Variants in CTNNA3 observed in about 807,000 individuals in gnomAD.
CTNNA3 encodes the protein catenin alpha-3.
A neutral mutation model predicts 95.7 loss-of-function variants in CTNNA3; 76 were observed. The observed-to-expected ratio is 0.79, with a 90% confidence interval of 0.66 to 0.96. The LOEUF (loss-of-function observed/expected upper bound fraction) is 0.96. Among genes scored for constraint, CTNNA3 ranks in the 40% least tolerant of loss-of-function variants. The probability of loss-of-function intolerance (pLI) is 0.00; values close to 1 mark genes in which losing one functional copy is unlikely to be tolerated. For synonymous variants in CTNNA3, 431 were observed against 374.4 expected, an observed-to-expected ratio of 1.15 and a Z score of -1.74; for missense variants, 1,191 against 1,089.8, an observed-to-expected ratio of 1.09 and a Z score of -1.31.
intron 10 of CTNNA3, among the ~76,000 whole-genome samples, chr10:66,530,565 A>T (rs184592997): frequency 1.3e-5 from 2 of 152,278 alleles, no homozygotes; most frequent in East Asian, 3.9e-4. Context: ...ACGGCATGTA[A>T]TACTTCCCAC....
intron 12 of CTNNA3, among the ~76,000 whole-genome samples, chr10:66,344,844 A>C (rs2092490582): frequency 6.6e-6 from 1 of 152,104 alleles, no homozygotes; most frequent in Admixed American, 6.5e-5. Context: ...TCCTGGTTCT[A>C]GAATCCCCAG....
At chr10:66,531,527 C>T (rs763214287) in intron 10 of CTNNA3, among the ~76,000 whole-genome samples, 10 of 151,750 alleles carry the variant, frequency 6.6e-5, no homozygotes, top group Non-Finnish European at 1.2e-4. Context: ...GCCACCATGC[C>T]CAACTAATTT....
At chr10:65,930,320 C>G (rs1439766466) in intron 17 of CTNNA3, among the ~76,000 whole-genome samples, 3 of 151,748 alleles carry the variant, frequency 2.0e-5, no homozygotes, top group African/African-American at 7.3e-5. Context: ...TGTAAAGCAA[C>G]CCTCACTTCA....
At chr10:66,907,906 T>C (rs1846060575) in intron 7 of CTNNA3, among the ~76,000 whole-genome samples, 1 of 152,160 alleles carries the variant, frequency 6.6e-6, no homozygotes, top group Admixed American at 6.5e-5. Flanking sequence ...ACCAAAAAAA[T>C]TAAAGCCAAT....
chr10:66,430,106 T>A (rs61867180), intron 11 of CTNNA3, among the ~76,000 whole-genome samples: 3,899 of 86,098 alleles, frequency 0.045, 137 homozygotes, highest in South Asian at 0.083. Context: ...CTATACACCA[T>A]TAACAGACAA....
chr10:66,281,216 C>T (rs2091485865), intron 12 of CTNNA3, among the ~76,000 whole-genome samples: 1 of 151,742 alleles, frequency 6.6e-6, no homozygotes, highest in South Asian at 2.1e-4. Context: ...TTTAAAATAA[C>T]AAAACACTGA....
intron 9 of CTNNA3, among the ~76,000 whole-genome samples, chr10:66,758,643 C>T (rs914800403): frequency 6.6e-6 from 1 of 152,018 alleles, no homozygotes; most frequent in Non-Finnish European, 1.5e-5. Flanking sequence ...AATTGTATAT[C>T]AAAACTTTGG....
At chr10:66,460,986 A>G (rs1170497000) in intron 11 of CTNNA3, among the ~76,000 whole-genome samples, 1 of 152,164 alleles carries the variant, frequency 6.6e-6, no homozygotes. Flanking sequence ...GGAAAAAAGA[A>G]AAAACACAAA....
At chr10:66,761,407 T>C (rs975404826) in intron 9 of CTNNA3, among the ~76,000 whole-genome samples, 1 of 152,180 alleles carries the variant, frequency 6.6e-6, no homozygotes, top group African/African-American at 2.4e-5. Context: ...GCTTTCCACA[T>C]AGAGAAAATT....
intron 10 of CTNNA3, among the ~76,000 whole-genome samples, chr10:66,549,568 T>G (rs911396453): frequency 2.0e-5 from 3 of 152,158 alleles, no homozygotes; most frequent in Non-Finnish European, 4.4e-5. Context: ...AGGTGAAATC[T>G]TAGGACTTTA....
Position 66,088,694 on chromosome 10 carries a change from T to C in CTNNA3, c.1977+14463A>G, listed in dbSNP as rs576447495. On this transcript the variant is annotated intron_variant, in intron 14 of 17. Transcript: ENST00000433211. Reference sequence around the variant, plus strand: ...GGTATCTCCACAAAGTGTTTGAGTATCAATTTTCCATAAAAACTTTCTGAC... The same window carrying C: ...GGTATCTCCACAAAGTGTTTGAGTACCAATTTTCCATAAAAACTTTCTGAC... 1.4e-4 allele frequency among the ~76,000 whole-genome samples: 21 copies of C among 152,228 alleles called. No individual in the cohort carries two copies. In the South Asian group the frequency reaches 4.3e-3, roughly 32 times the overall value.
At chr10:66,938,377 A>G (rs1847830475) in intron 7 of CTNNA3, among the ~76,000 whole-genome samples, 1 of 152,162 alleles carries the variant, frequency 6.6e-6, no homozygotes, top group African/African-American at 2.4e-5. Context: ...TGATAATATA[A>G]AGAGTCAACC....
chr10:67,539,383 G>A, intron 4 of CTNNA3, 120 bp downstream of exon 4: 1 of 1,047,116 alleles, frequency 9.6e-7, no homozygotes, highest in Non-Finnish European at 1.4e-6. Flanking sequence ...GTCTGCTTCT[G>A]AAGGGGTGAT....
intron 6 of CTNNA3, among the ~76,000 whole-genome samples, chr10:67,185,591 C>A (rs1270794260): frequency 2.6e-5 from 4 of 152,124 alleles, no homozygotes; most frequent in Admixed American, 1.3e-4. Flanking sequence ...ACCATAATCC[C>A]TACAATGGGG....
At chr10:66,742,145 C>A (rs1229940238) in intron 9 of CTNNA3, among the ~76,000 whole-genome samples, 2 of 152,148 alleles carry the variant, frequency 1.3e-5, no homozygotes, top group Non-Finnish European at 2.9e-5. Context: ...AATTCTTTTT[C>A]TCAGCAAGGA....
intron 10 of CTNNA3, among the ~76,000 whole-genome samples, chr10:66,617,950 TC>T (rs993164495): frequency 6.6e-6 from 1 of 151,372 alleles, no homozygotes; most frequent in Non-Finnish European, 1.5e-5. Context: ...ATGAGTGAAC[TC>T]CCATTCACAA....
At chr10:65,969,925 T>C (rs1023408292) in intron 16 of CTNNA3, among the ~76,000 whole-genome samples, 5 of 151,934 alleles carry the variant, frequency 3.3e-5, no homozygotes, top group African/African-American at 4.8e-5. Context: ...CAGAGAACAC[T>C]TGAGAGATAC....
chr10:67,633,065 G>T (rs934399684), intron 2 of CTNNA3, among the ~76,000 whole-genome samples: 5 of 152,130 alleles, frequency 3.3e-5, no homozygotes, highest in Non-Finnish European at 5.9e-5. Flanking sequence ...AATACAAATG[G>T]TCCAGACAAA....
intron 12 of CTNNA3, among the ~76,000 whole-genome samples, chr10:66,344,350 T>G (rs993088648): frequency 2.0e-5 from 3 of 150,826 alleles, no homozygotes; most frequent in Non-Finnish European, 4.4e-5. Context: ...CACTGCAACC[T>G]CCGTCTCCCG....
Sources: gnomAD v4.1 joint callset for allele counts (sites outside exome capture counted in the v4.1 genomes callset) on GRCh38, gnomAD v4.1.1 for gene constraint, MANE v1.5 for transcripts, NCBI Gene and HGNC (gene_info 2026-07-23, HGNC 2026-07-21) for gene names.